The following PPP2R5E variants were observed in gnomAD, a reference collection of about 807,000 sequenced individuals.
PPP2R5E encodes the protein protein phosphatase 2 regulatory subunit B'epsilon.
A neutral mutation model predicts 65.3 loss-of-function variants in PPP2R5E; 4 were observed. The ratio of observed to expected loss-of-function variants is 0.06; its 90% CI spans 0.03 to 0.14. PPP2R5E has a LOEUF of 0.14. Ranked by LOEUF, PPP2R5E falls within the 10% of genes least tolerant of loss-of-function variation. The pLI is 1.00. For missense variants in PPP2R5E, 274 were observed against 556.1 expected, an observed-to-expected ratio of 0.49 and a Z score of 5.10; for synonymous variants, 183 against 187.4, an observed-to-expected ratio of 0.98 and a Z score of 0.19.
At chr14:63,469,555 G>A (rs772598318) in intron 2 of PPP2R5E, among the ~76,000 whole-genome samples, 10 of 152,206 alleles carry the variant, frequency 6.6e-5, no homozygotes, top group African/African-American at 2.2e-4. Context: ...GTAGCCAGGC[G>A]TGGTGGCGAG....
rs1319779880 is a variant in PPP2R5E at position 63,391,981 on chromosome 14, G to A, written c.894C>T (p.Leu298=). The A allele has an allele frequency of 1.2e-6, 2 of 1,611,190 alleles. No individual in the cohort carries two copies. The highest frequency in any genetic ancestry group is 1.7e-5 in the Admixed American group (1 of 59,694). Residue 298 remains leucine (L), a synonymous_variant, in exon 9 of 14, where the codon CTC becomes CTT. Coordinates refer to ENST00000337537, the MANE Select transcript of PPP2R5E (RefSeq NM_006246.5). The part of the protein sequence containing the change: ...IVQFLEKDPS[L]TEPVIRGLMK... ...TGGAAAAAAGACTTACTGGTTCTGT[G>A]AGTGAAGGATCTTTCTCCAGAAACT...
At chr14:63,443,288 T>C (rs553422725) in intron 3 of PPP2R5E, among the ~76,000 whole-genome samples, 2 of 152,060 alleles carry the variant, frequency 1.3e-5, no homozygotes, top group Non-Finnish European at 2.9e-5. Context: ...CTTTGGAAAA[T>C]TACATATTCT....
intron 2 of PPP2R5E, among the ~76,000 whole-genome samples, chr14:63,481,608 A>G (rs943129405): frequency 4.6e-5 from 7 of 152,074 alleles, no homozygotes; most frequent in African/African-American, 1.7e-4. Flanking sequence ...CCACAGTCCT[A>G]TGCATTTCAT....
intron 2 of PPP2R5E, among the ~76,000 whole-genome samples, chr14:63,523,509 A>G (rs1407365171): frequency 1.3e-5 from 2 of 152,018 alleles, no homozygotes; most frequent in African/African-American, 4.8e-5. Flanking sequence ...GCTTGAAGGC[A>G]GCATGCTCGT....
chr14:63,473,713 T>C (rs1203657236), intron 2 of PPP2R5E, among the ~76,000 whole-genome samples: 3 of 152,148 alleles, frequency 2.0e-5, no homozygotes, highest in Non-Finnish European at 4.4e-5. Context: ...TTTTATTAAA[T>C]GAAGAAGAGT....
chr14:63,436,507 G>A (rs1887960171), intron 3 of PPP2R5E, among the ~76,000 whole-genome samples: 1 of 152,188 alleles, frequency 6.6e-6, no homozygotes, highest in South Asian at 2.1e-4. Context: ...ACAAAGCCCT[G>A]AGCTAGTTGG....
At chr14:63,537,648 G>C (rs1893722282) in intron 2 of PPP2R5E, among the ~76,000 whole-genome samples, 1 of 152,086 alleles carries the variant, frequency 6.6e-6, no homozygotes, top group South Asian at 2.1e-4. Flanking sequence ...GCTAAATTTT[G>C]AGGATCTTTT....
rs34190976 is a variant in PPP2R5E, at chr14:63,465,031, G to GAA, written c.158-11148_158-11147dup. Among the ~76,000 whole-genome samples the GAA allele has an allele frequency of 2.2e-3, 266 of 120,602 alleles. 2 individuals are homozygous for GAA. The highest frequency in any genetic ancestry group is 6.7e-3 in the African/African-American group (251 of 37,528). The allele number at this position is 120,602 out of a possible 152,430, so 79.1% of individuals were successfully genotyped here. On this transcript the variant is annotated intron_variant, in intron 2 of 13. Coordinates refer to ENST00000337537, the MANE Select transcript of PPP2R5E (RefSeq NM_006246.5). ...TAGTGAGACTCTGTCTCAAGAAGAA[G>GAA]AAAAAAAAAAAAAGACAAGAAAAGA...
intron 3 of PPP2R5E, among the ~76,000 whole-genome samples, chr14:63,437,059 T>C (rs955258663): frequency 1.3e-5 from 2 of 152,178 alleles, no homozygotes; most frequent in Admixed American, 6.5e-5. Context: ...AAAACCAAGA[T>C]GGCAAGGAGA....
At chr14:63,401,947 A>C (rs76606155) in intron 5 of PPP2R5E, among the ~76,000 whole-genome samples, 1 of 152,140 alleles carries the variant, frequency 6.6e-6, no homozygotes, top group Non-Finnish European at 1.5e-5. Flanking sequence ...ATAGCTAAAA[A>C]CAGGAGGACT....
At chr14:63,492,805 A>C (rs1891344344) in intron 2 of PPP2R5E, among the ~76,000 whole-genome samples, 1 of 152,118 alleles carries the variant, frequency 6.6e-6, no homozygotes, top group Non-Finnish European at 1.5e-5. Flanking sequence ...TTTGAGTGGA[A>C]GGGGTACTTA....
chr14:63,436,033 G>A (rs117431686), intron 3 of PPP2R5E, among the ~76,000 whole-genome samples: 1,768 of 152,230 alleles, frequency 0.012, 33 homozygotes, highest in Non-Finnish European at 0.012. Context: ...CCCTCGTACC[G>A]CCTGGGTTGG....
chr14:63,445,934 G>C (rs1235143981), intron 3 of PPP2R5E, among the ~76,000 whole-genome samples: 2 of 151,978 alleles, frequency 1.3e-5, no homozygotes, highest in African/African-American at 4.8e-5. Context: ...CTGTCTGATA[G>C]CATTTTATCC....
chr14:63,412,899 A>C (rs765455176), intron 5 of PPP2R5E, among the ~76,000 whole-genome samples: 28 of 152,236 alleles, frequency 1.8e-4, no homozygotes, highest in Non-Finnish European at 2.5e-4. Context: ...AAGGGTGAAC[A>C]CAAAAGCTGT....
At chr14:63,482,660 T>C (rs1034033555) in intron 2 of PPP2R5E, among the ~76,000 whole-genome samples, 10 of 152,138 alleles carry the variant, frequency 6.6e-5, no homozygotes, top group Admixed American at 2.6e-4. Context: ...AACTAATAAA[T>C]ACAGTAAACC....
intron 2 of PPP2R5E, among the ~76,000 whole-genome samples, chr14:63,522,640 C>T (rs1892978224): frequency 6.7e-6 from 1 of 149,812 alleles, no homozygotes; most frequent in African/African-American, 2.5e-5. Flanking sequence ...TCCGCGACCC[C>T]GTCTGGGAGG....
At chr14:63,379,818 T>TTCTCTCTC (rs770094217) in intron 13 of PPP2R5E, among the ~76,000 whole-genome samples, 4,498 of 116,936 alleles carry the variant, frequency 0.038, 380 homozygotes, top group East Asian at 0.16. Context: ...TTCTTCAATA[T>TTCTCTCTC]TCTCTCTCTT....
chr14:63,521,241 C>G (rs1233768694), intron 2 of PPP2R5E, among the ~76,000 whole-genome samples: 1 of 152,154 alleles, frequency 6.6e-6, no homozygotes, highest in Non-Finnish European at 1.5e-5. Context: ...AGACATAAAT[C>G]TAAATATAAT....
intron 2 of PPP2R5E, among the ~76,000 whole-genome samples, chr14:63,528,837 A>G (rs1893292392): frequency 6.6e-6 from 1 of 152,232 alleles, no homozygotes; most frequent in Non-Finnish European, 1.5e-5. Flanking sequence ...AGAAATATTT[A>G]TTGAATGCCA....
Sources: allele counts gnomAD v4.1 joint callset (sites outside exome capture counted in the v4.1 genomes callset), GRCh38; gene constraint gnomAD v4.1.1; transcripts MANE v1.5; gene names NCBI Gene and HGNC (gene_info 2026-07-23, HGNC 2026-07-21).